Variants in MINDY4 observed in about 807,000 individuals in gnomAD.
MINDY4 encodes probable ubiquitin carboxyl-terminal hydrolase MINDY-4.
MINDY4 carries 68 observed loss-of-function variants against 87.0 expected under a neutral mutation model. The observed-to-expected ratio is 0.78, with a 90% CI of 0.64 to 0.96. The LOEUF (loss-of-function observed/expected upper bound fraction) is 0.96. Among genes scored for constraint, MINDY4 ranks in the 40% least tolerant of loss-of-function variants. MINDY4 has a pLI of 0.00. For missense variants in MINDY4, 919 were observed against 928.2 expected (o/e 0.99, Z 0.13); for synonymous variants, 379 against 363.2 (o/e 1.04, Z -0.50).
intron 17 of MINDY4, among the ~76,000 whole-genome samples, chr7:30,885,552 C>G (rs1054448292): frequency 6.6e-6 from 1 of 152,154 alleles, no homozygotes; most frequent in African/African-American, 2.4e-5. Flanking sequence ...CCAAAAAACA[C>G]AAAGCGCCGT....
At chr7:30,825,873 T>C (rs1482898153) in intron 5 of MINDY4, among the ~76,000 whole-genome samples, 1 of 152,158 alleles carries the variant, frequency 6.6e-6, no homozygotes, top group African/African-American at 2.4e-5. Context: ...TATTATCTCA[T>C]AGTTCTGGAG....
At chr7:30,820,195 C>A (rs2128560475) in intron 5 of MINDY4, among the ~76,000 whole-genome samples, 2 of 152,194 alleles carry the variant, frequency 1.3e-5, no homozygotes, top group South Asian at 4.1e-4. Flanking sequence ...GCCACCGCGC[C>A]CGGCCAATAA....
intron 7 of MINDY4, among the ~76,000 whole-genome samples, 159 bp from the exon 8 acceptor site, chr7:30,839,041 G>A (rs761711055): frequency 6.6e-6 from 1 of 152,148 alleles, no homozygotes; most frequent in African/African-American, 2.4e-5. Flanking sequence ...AATATAAGAA[G>A]AATGAGCCTG....
In MINDY4 at chr7:30,868,170, G is replaced by A. The variant is rs144675965; in HGVS notation, c.1746-4073G>A. On this transcript the variant is annotated intron_variant, in intron 13 of 17. Transcript: ENST00000265299. Reference sequence around the variant, plus strand: ...AGATGAAGGGACAAGCTGTGCCTGAGCCAGCAATGGTGGGGGCTAGGGGTA... The same window carrying A: ...AGATGAAGGGACAAGCTGTGCCTGAACCAGCAATGGTGGGGGCTAGGGGTA... 3.2e-3 allele frequency among the ~76,000 whole-genome samples: 480 copies of A among 152,324 alleles called. 1 individual carries two copies. Among genetic ancestry groups the A allele is most frequent in the African/African-American group, 0.011 (458 of 41,574 alleles).
chr7:30,783,899 A>G (rs1436020921), intron 3 of MINDY4, among the ~76,000 whole-genome samples: 2 of 152,264 alleles, frequency 1.3e-5, no homozygotes, highest in East Asian at 3.8e-4. Flanking sequence ...AATCTTATAA[A>G]GAAAATGAAT....
chr7:30,848,628 T>C (rs1356234083), intron 9 of MINDY4, among the ~76,000 whole-genome samples: 1 of 152,156 alleles, frequency 6.6e-6, no homozygotes, highest in African/African-American at 2.4e-5. Flanking sequence ...GTGGTTTTCA[T>C]AGTGAACCGT....
chr7:30,842,369 C>T (rs1309257806), intron 9 of MINDY4, among the ~76,000 whole-genome samples: 1 of 152,224 alleles, frequency 6.6e-6, no homozygotes, highest in Non-Finnish European at 1.5e-5. Context: ...GAGACCCTGC[C>T]ATCAGCTCTC....
intron 8 of MINDY4, among the ~76,000 whole-genome samples, chr7:30,840,187 C>T (rs921574247): frequency 1.6e-4 from 25 of 152,302 alleles, no homozygotes; most frequent in East Asian, 9.6e-4. Flanking sequence ...TGCTAAGCCC[C>T]GTGATGCCTA....
At chr7:30,782,304 A>G in intron 3 of MINDY4, 92 bp downstream of exon 3, 1 of 928,634 alleles carries the variant, frequency 1.1e-6, no homozygotes, top group Non-Finnish European at 1.6e-6. Context: ...AGTATTCTCC[A>G]GAGGAACAGA....
Position 30,782,210 on chromosome 7 carries a change from C to G in MINDY4, c.417C>G (p.Ala139=). Residue 139 remains alanine, a splice_region_variant and synonymous_variant, in exon 3 of 18, where the codon GCC becomes GCG. Transcript: ENST00000265299. ...WRTSLSETSK[A]RHDNLDGDVL... ...CATCATTGTCAGAAACAAGCAAAGC[C>G]AGGTATCTTTTCCCATTATTATGTT... The G allele has an allele frequency of 1.2e-6, 2 of 1,608,506 alleles. No homozygotes were observed. The highest frequency in any genetic ancestry group is 1.7e-6 in the Non-Finnish European group (2 of 1,176,516).
intron 17 of MINDY4, among the ~76,000 whole-genome samples, chr7:30,885,273 A>G (rs903192116): frequency 1.3e-5 from 2 of 152,122 alleles, no homozygotes; most frequent in African/African-American, 2.4e-5. Context: ...TAATCCCAGC[A>G]CTTTGGAAGG....
chr7:30,886,782 G>A (rs1268798016), intron 17 of MINDY4, among the ~76,000 whole-genome samples: 1 of 152,134 alleles, frequency 6.6e-6, no homozygotes, highest in Non-Finnish European at 1.5e-5. Flanking sequence ...CGCAAACCTC[G>A]GCCTGAGAGA....
At chr7:30,825,434 T>G (rs781322322) in intron 5 of MINDY4, among the ~76,000 whole-genome samples, 29 of 152,158 alleles carry the variant, frequency 1.9e-4, no homozygotes, top group Non-Finnish European at 3.7e-4. Context: ...AGTGGAAACA[T>G]TCCCACCATC....
In MINDY4 at chr7:30,848,767, T is replaced by A. The variant is rs987970542; in HGVS notation, c.1446-1687T>A. Reference sequence around the variant, plus strand: ...TCAGGCAGTAGCTGTTTTATTTTCTTAAGTGCTTGAGTGCTTGTTGCTTGT... The same window carrying A: ...TCAGGCAGTAGCTGTTTTATTTTCTAAAGTGCTTGAGTGCTTGTTGCTTGT... On this transcript the variant is annotated intron_variant, in intron 9 of 17. Coordinates refer to ENST00000265299, the MANE Select transcript of MINDY4 (RefSeq NM_032222.3). Among the ~76,000 whole-genome samples the A allele has an allele frequency of 3.3e-5, 5 of 152,228 alleles. No individual in the cohort carries two copies. In the East Asian group the frequency reaches 9.6e-4, roughly 29 times the overall value.
At chr7:30,820,026 C>G (rs1424081029) in intron 5 of MINDY4, among the ~76,000 whole-genome samples, 2 of 148,734 alleles carry the variant, frequency 1.3e-5, no homozygotes. Flanking sequence ...CTCAGCCTCC[C>G]AAGTAGCTGG....
At chr7:30,803,360 G>A (rs532979310) in intron 5 of MINDY4, 1 of 152,320 alleles carries the variant, frequency 6.6e-6, no homozygotes, top group East Asian at 1.9e-4. Context: ...GAATTTGGAA[G>A]GGGAGAATGA....
chr7:30,867,679 T>C (rs922175651), intron 13 of MINDY4, among the ~76,000 whole-genome samples: 1 of 152,210 alleles, frequency 6.6e-6, no homozygotes, highest in Non-Finnish European at 1.5e-5. Context: ...AGGGCTGTTA[T>C]CTCTGGAGGT....
At chr7:30,867,102 G>T (rs1313182590) in intron 13 of MINDY4, among the ~76,000 whole-genome samples, 2 of 152,162 alleles carry the variant, frequency 1.3e-5, no homozygotes, top group African/African-American at 4.8e-5. Flanking sequence ...ACACACTGGA[G>T]GCTCAGAAAT....
chr7:30,789,203 G>T (rs1016065221), intron 4 of MINDY4, among the ~76,000 whole-genome samples: 1 of 152,164 alleles, frequency 6.6e-6, no homozygotes, highest in African/African-American at 2.4e-5. Context: ...TCCTGTCTTA[G>T]CATGACGTCC....
Sources: allele counts gnomAD v4.1 joint callset (sites outside exome capture counted in the v4.1 genomes callset), GRCh38; gene constraint gnomAD v4.1.1; transcripts MANE v1.5; gene names NCBI Gene and HGNC (gene_info 2026-07-23, HGNC 2026-07-21).